Variants in CTCF observed in about 807,000 individuals in gnomAD.
CTCF encodes CCCTC-binding factor.
Under a neutral mutation model 72.3 loss-of-function variants are expected in CTCF, and 7 were observed. That is an observed-to-expected ratio of 0.10 (90% CI 0.06 to 0.18). The LOEUF is 0.18. Among genes scored for constraint, CTCF ranks in the 10% least tolerant of loss-of-function variants. CTCF has a pLI of 1.00. For synonymous variants in CTCF, 374 were observed against 315.8 expected (o/e 1.18, Z -1.95); for missense variants, 516 against 949.1 (o/e 0.54, Z 6.00).
At chr16:67,617,361 T>G (rs1320336802) in intron 5 of CTCF, among the ~76,000 whole-genome samples, 7 of 151,994 alleles carry the variant, frequency 4.6e-5, no homozygotes, top group Admixed American at 3.3e-4. Context: ...TAGCTGGGTG[T>G]GGTGGCAGGC....
At position 67,636,728 on chromosome 16, in the gene CTCF, G is replaced by C; in HGVS notation, c.1876G>C (p.Glu626Gln). The C allele has an allele frequency of 6.2e-7, 1 of 1,610,002 alleles. No individual in the cohort carries two copies. Residue 626 changes from glutamate (E) to glutamine (Q), a missense_variant, in exon 11 of 12, where the codon GAG (glutamate) becomes CAG (glutamine). Coordinates refer to ENST00000264010, the MANE Select transcript of CTCF (RefSeq NM_006565.4). ...EPDLDDNEDE[E>Q]EPAVEIEPEP... Reference sequence around the variant, plus strand: ...AGATCTGGACGACAATGAGGATGAGGAGGAGCCTGCCGTAGAAATTGAACC... The same window carrying C: ...AGATCTGGACGACAATGAGGATGAGCAGGAGCCTGCCGTAGAAATTGAACC...
chr16:67,573,972 A>C (rs989456785), intron 2 of CTCF, among the ~76,000 whole-genome samples: 3 of 151,952 alleles, frequency 2.0e-5, no homozygotes, highest in Non-Finnish European at 4.4e-5. Context: ...CGGAAGTTGC[A>C]GTGAGCCGAG....
intron 2 of CTCF, among the ~76,000 whole-genome samples, chr16:67,610,350 CTTTTTT>C (rs1158978403): frequency 1.6e-5 from 2 of 121,388 alleles, no homozygotes; most frequent in African/African-American, 6.3e-5. Context: ...TTTTCTTTTT[CTTTTTT>C]TTTTTTTTTT....
intron 7 of CTCF, among the ~76,000 whole-genome samples, chr16:67,621,986 G>A (rs1379300212): frequency 6.6e-6 from 1 of 152,132 alleles, no homozygotes; most frequent in African/African-American, 2.4e-5. Context: ...TAATGGGACT[G>A]TTTTATTGGT....
At chr16:67,614,894 C>G (rs927954407) in intron 4 of CTCF, 1 of 151,570 alleles carries the variant, frequency 6.6e-6, no homozygotes, top group African/African-American at 2.4e-5. Context: ...CCCAGCACTT[C>G]GGGAGGCTGA....
At chr16:67,619,317 T>C (rs950560600) in intron 5 of CTCF, among the ~76,000 whole-genome samples, 1 of 152,126 alleles carries the variant, frequency 6.6e-6, no homozygotes, top group Admixed American at 6.6e-5. Flanking sequence ...GCGCCTGTAG[T>C]CTCAGCTACT....
intron 4 of CTCF, chr16:67,615,636 A>G (rs1410364266): frequency 1.3e-5 from 2 of 152,132 alleles, no homozygotes; most frequent in Non-Finnish European, 2.9e-5. Context: ...CGAAAAGAAA[A>G]TTGGATGCCA....
At chr16:67,578,158 C>T (rs1243764951) in intron 2 of CTCF, among the ~76,000 whole-genome samples, 1 of 151,916 alleles carries the variant, frequency 6.6e-6, no homozygotes, top group Non-Finnish European at 1.5e-5. Context: ...AATGTAAGAA[C>T]ATGAGGGGGA....
At chr16:67,602,644 C>A (rs1330812834) in intron 2 of CTCF, among the ~76,000 whole-genome samples, 1 of 151,860 alleles carries the variant, frequency 6.6e-6, no homozygotes, top group Admixed American at 6.6e-5. Context: ...GAGTTCAAGA[C>A]CAGCCTGACC....
chr16:67,633,812 A>ACACTCT (rs1555536512), intron 10 of CTCF, among the ~76,000 whole-genome samples: 2 of 151,168 alleles, frequency 1.3e-5, no homozygotes, highest in Admixed American at 6.6e-5. Flanking sequence ...ACACACACAC[A>ACACTCT]CACTCTCACT....
At chr16:67,619,453 A>C (rs1014387409) in intron 5 of CTCF, among the ~76,000 whole-genome samples, 3 of 151,972 alleles carry the variant, frequency 2.0e-5, no homozygotes, top group African/African-American at 2.4e-5. Flanking sequence ...ACCAAAAAAA[A>C]CTCAGAGACA....
rs576337743 is a variant in CTCF, at chr16:67,600,069, T to C, written c.-9-10755T>C. Among the ~76,000 whole-genome samples the C allele has an allele frequency of 5.5e-4, 83 of 152,150 alleles. 1 individual carries two copies. Among genetic ancestry groups the C allele is most frequent in the African/African-American group, 1.9e-3 (80 of 41,504 alleles). ...ATGAAGGAATAGGATGAGTTTCATCTTGTCAGATGCCAGAGAAACTGAGAT... is the reference window on the plus strand; with the variant it reads ...ATGAAGGAATAGGATGAGTTTCATCCTGTCAGATGCCAGAGAAACTGAGAT... On this transcript the variant is annotated intron_variant, in intron 2 of 11. Coordinates refer to ENST00000264010, the MANE Select transcript of CTCF (RefSeq NM_006565.4).
At chr16:67,589,918 C>T (rs2051716851) in intron 2 of CTCF, among the ~76,000 whole-genome samples, 2 of 152,036 alleles carry the variant, frequency 1.3e-5, no homozygotes, top group Non-Finnish European at 2.9e-5. Context: ...GAAACCCTAT[C>T]TCTACTAAAA....
chr16:67,562,994 G>C (rs921221795), intron 1 of CTCF, among the ~76,000 whole-genome samples: 2 of 146,042 alleles, frequency 1.4e-5, no homozygotes, highest in African/African-American at 2.5e-5. Flanking sequence ...GGCAGAGGCA[G>C]AGGCCCGCGC....
intron 1 of CTCF, chr16:67,570,671 G>C (rs772666413): frequency 6.6e-6 from 1 of 150,576 alleles, no homozygotes; most frequent in Admixed American, 6.6e-5. Context: ...TCGATCTCCT[G>C]ACCTCGTGAT....
chr16:67,601,639 G>C (rs964597388), intron 2 of CTCF, among the ~76,000 whole-genome samples: 1 of 152,046 alleles, frequency 6.6e-6, no homozygotes, highest in Non-Finnish European at 1.5e-5. Context: ...CTTTGTGTCT[G>C]ATTTTTCTCT....
intron 2 of CTCF, among the ~76,000 whole-genome samples, chr16:67,601,217 G>GGT (rs59655549): frequency 0.039 from 4,963 of 128,366 alleles, 106 homozygotes; most frequent in Non-Finnish European, 0.042. Context: ...TGCACTAAGG[G>GGT]GTGTGTGTGT....
chr16:67,583,551 G>A (rs2051619362), intron 2 of CTCF, among the ~76,000 whole-genome samples: 1 of 152,016 alleles, frequency 6.6e-6, no homozygotes, highest in Admixed American at 6.6e-5. Flanking sequence ...GCCGGGTGTA[G>A]TGGGGCATGC....
At chr16:67,596,933 C>T (rs970518676) in intron 2 of CTCF, among the ~76,000 whole-genome samples, 1 of 152,122 alleles carries the variant, frequency 6.6e-6, no homozygotes, top group African/African-American at 2.4e-5. Flanking sequence ...TCAATCATTT[C>T]CTCTGATTTC....
Sources: allele counts gnomAD v4.1 joint callset (sites outside exome capture counted in the v4.1 genomes callset), GRCh38; gene constraint gnomAD v4.1.1; transcripts MANE v1.5; gene names NCBI Gene and HGNC (gene_info 2026-07-23, HGNC 2026-07-21).